The following CCDC192 variants were observed in gnomAD, a reference collection of about 807,000 sequenced individuals.
CCDC192 encodes the protein coiled-coil domain-containing protein 192.
chr5:127,925,500 C>G (rs1753838656), intron 6 of CCDC192, among the ~76,000 whole-genome samples: 1 of 152,196 alleles, frequency 6.6e-6, no homozygotes, highest in Admixed American at 6.5e-5. Flanking sequence ...AGACACATCC[C>G]TGTCCCTCAG....
intron 3 of CCDC192, among the ~76,000 whole-genome samples, chr5:127,787,710 T>C (rs995350929): frequency 6.6e-6 from 1 of 152,202 alleles, no homozygotes; most frequent in African/African-American, 2.4e-5. Context: ...TTCTGTTGTT[T>C]TGTGGATTGT....
intron 2 of CCDC192, among the ~76,000 whole-genome samples, chr5:127,714,886 A>G (rs1751535994): frequency 6.6e-6 from 1 of 152,068 alleles, no homozygotes; most frequent in African/African-American, 2.4e-5. Context: ...AGTGAAGTTG[A>G]GCATTTAAAA....
intron 6 of CCDC192, among the ~76,000 whole-genome samples, chr5:127,907,369 T>C (rs1753226345): frequency 6.6e-6 from 1 of 152,204 alleles, no homozygotes; most frequent in South Asian, 2.1e-4. Context: ...AGATTTGGGT[T>C]ATAAAGTTAT....
Position 127,877,168 on chromosome 5 carries a change from C to T in CCDC192, c.535+1507C>T, listed in dbSNP as rs1307701447. On this transcript the variant is annotated intron_variant, in intron 6 of 6. Coordinates refer to ENST00000514853, the MANE Select transcript of CCDC192 (RefSeq NM_001317938.2). ...AAATATATATATATAATCGCAAGGT[C>T]TCTAATTCTTATTAGTTTCATTTTT... Among the ~76,000 whole-genome samples, 5 of 152,222 alleles carry T rather than the reference C, an allele frequency of 3.3e-5. No individual in the cohort carries two copies. In the South Asian group the frequency reaches 6.2e-4, roughly 19 times the overall value.
At chr5:127,747,709 T>G in intron 2 of CCDC192, among the ~76,000 whole-genome samples, 1 of 151,664 alleles carries the variant, frequency 6.6e-6, no homozygotes. Flanking sequence ...TTGAACTAGT[T>G]TACAGTCCCA....
At chr5:127,909,741 C>T (rs1256199521) in intron 6 of CCDC192, among the ~76,000 whole-genome samples, 1 of 152,144 alleles carries the variant, frequency 6.6e-6, no homozygotes, top group Non-Finnish European at 1.5e-5. Context: ...GACAATGATG[C>T]ACTGAAGTTT....
At chr5:127,916,176 T>C (rs1753515658) in intron 6 of CCDC192, among the ~76,000 whole-genome samples, 1 of 152,254 alleles carries the variant, frequency 6.6e-6, no homozygotes, top group Non-Finnish European at 1.5e-5. Flanking sequence ...TTTTCTCTGC[T>C]TATCCGCAAG....
chr5:127,916,549 T>C (rs962911226), intron 6 of CCDC192, among the ~76,000 whole-genome samples: 1 of 152,252 alleles, frequency 6.6e-6, no homozygotes, highest in Non-Finnish European at 1.5e-5. Flanking sequence ...AAAGTAAAAA[T>C]CACTCCTTCA....
At chr5:127,873,401 A>G (rs774623420) in intron 5 of CCDC192, among the ~76,000 whole-genome samples, 3 of 152,214 alleles carry the variant, frequency 2.0e-5, no homozygotes, top group African/African-American at 7.2e-5. Flanking sequence ...AAATAATTAT[A>G]TAGTAAACAC....
chr5:127,920,382 A>G (rs944661365), intron 6 of CCDC192, among the ~76,000 whole-genome samples: 9 of 150,752 alleles, frequency 6.0e-5, no homozygotes, highest in African/African-American at 2.2e-4. Context: ...CATAATTTCT[A>G]GGAAGCTAAA....
At chr5:127,763,029 T>G (rs1169101880) in intron 3 of CCDC192, among the ~76,000 whole-genome samples, 1 of 152,240 alleles carries the variant, frequency 6.6e-6, no homozygotes, top group Non-Finnish European at 1.5e-5. Context: ...AAAGCTCTTT[T>G]GTGGGTTTGC....
intron 6 of CCDC192, among the ~76,000 whole-genome samples, chr5:127,895,940 T>G (rs551738943): frequency 6.6e-6 from 1 of 152,308 alleles, no homozygotes; most frequent in African/African-American, 2.4e-5. Context: ...AACAGGCAAT[T>G]GGTTTCGTAT....
At position 127,884,151 on chromosome 5, in the gene CCDC192, A is replaced by G. The variant is rs1490065669; in HGVS notation, c.535+8490A>G. Among the ~76,000 whole-genome samples the G allele has an allele frequency of 4.0e-5, 6 of 151,866 alleles. No individual in the cohort carries two copies. The South Asian group carries it at 1.2e-3, about 32-fold the overall frequency. ...AAGGTCAGGAGATCCAGACCATCCT[A>G]GCTAACACGGTGAAACCCTGCCTCT... On this transcript the variant is annotated intron_variant, in intron 6 of 6. Coordinates refer to ENST00000514853, the MANE Select transcript of CCDC192 (RefSeq NM_001317938.2).
chr5:127,909,365 C>T (rs1286402130), intron 6 of CCDC192, among the ~76,000 whole-genome samples: 1 of 151,944 alleles, frequency 6.6e-6, no homozygotes, highest in Non-Finnish European at 1.5e-5. Flanking sequence ...TCACTTCTTC[C>T]CCTTGCTACT....
intron 5 of CCDC192, among the ~76,000 whole-genome samples, chr5:127,812,216 C>CA (rs1211020636): frequency 6.6e-6 from 1 of 152,072 alleles, no homozygotes; most frequent in Non-Finnish European, 1.5e-5. Context: ...TAAAACAAAA[C>CA]AAAAAAATAA....
At chr5:127,789,396 T>G (rs958199241) in intron 3 of CCDC192, among the ~76,000 whole-genome samples, 1 of 152,224 alleles carries the variant, frequency 6.6e-6, no homozygotes, top group Admixed American at 6.5e-5. Flanking sequence ...GATGAGGTTT[T>G]AGATGGAAAA....
At chr5:127,793,613 A>T (rs1210514800) in intron 3 of CCDC192, among the ~76,000 whole-genome samples, 1 of 152,206 alleles carries the variant, frequency 6.6e-6, no homozygotes, top group African/African-American at 2.4e-5. Flanking sequence ...TTCACCACTA[A>T]AGCATTAAAG....
chr5:127,938,195 G>A (rs930070184), intron 6 of CCDC192, among the ~76,000 whole-genome samples: 1 of 152,128 alleles, frequency 6.6e-6, no homozygotes, highest in Non-Finnish European at 1.5e-5. Flanking sequence ...TGTCAGTCAC[G>A]GATACAAAAG....
chr5:127,792,125 A>G (rs1046903249), intron 3 of CCDC192, among the ~76,000 whole-genome samples: 1 of 152,318 alleles, frequency 6.6e-6, no homozygotes, highest in African/African-American at 2.4e-5. Flanking sequence ...AAGCCTGGGC[A>G]AAAAAGTGAG....
Sources: allele counts gnomAD v4.1 joint callset (sites outside exome capture counted in the v4.1 genomes callset), GRCh38; gene constraint gnomAD v4.1.1; transcripts MANE v1.5; gene names NCBI Gene and HGNC (gene_info 2026-07-23, HGNC 2026-07-21).